Variants in MRPS6 observed in about 807,000 individuals in gnomAD.
The protein encoded by MRPS6 is mitochondrial ribosomal protein S6, also known as small ribosomal subunit protein bS6m.
A neutral mutation model predicts 13.1 loss-of-function variants in MRPS6; 6 were observed. The observed-to-expected ratio is 0.46, with a 90% CI of 0.25 to 0.91. The LOEUF is 0.91. Ranked by LOEUF, MRPS6 falls within the 40% of genes least tolerant of loss-of-function variation. MRPS6 has a pLI of 0.18. For synonymous variants in MRPS6, 61 were observed against 56.5 expected (o/e 1.08, Z -0.36); for missense variants, 164 against 155.6 (o/e 1.05, Z -0.29).
At position 34,097,366 on chromosome 21, in the gene MRPS6, A is replaced by G. The variant is rs369641674; in HGVS notation, c.45+23621A>G. 7.0e-6 allele frequency: 11 copies of G among 1,577,596 alleles called. No homozygotes were observed. The African/African-American group carries it at 8.2e-5, about 12-fold the overall frequency. On this transcript the variant is annotated intron_variant, in intron 1 of 2. Coordinates refer to ENST00000399312, the MANE Select transcript of MRPS6 (RefSeq NM_032476.4). ...TATTTCTCCTTATGAACTTAAGGATATGGTGAGACACTAACTTAAGACAAT... is the reference window on the plus strand; with the variant it reads ...TATTTCTCCTTATGAACTTAAGGATGTGGTGAGACACTAACTTAAGACAAT...
chr21:34,081,830 C>T (rs749538137), intron 1 of MRPS6, among the ~76,000 whole-genome samples: 1 of 152,130 alleles, frequency 6.6e-6, no homozygotes, highest in Admixed American at 6.6e-5. Context: ...TGAAGAAACT[C>T]TAAAAGATAA....
At chr21:34,140,654 G>A (rs905237453) in intron 2 of MRPS6, among the ~76,000 whole-genome samples, 2 of 152,198 alleles carry the variant, frequency 1.3e-5, no homozygotes, top group African/African-American at 2.4e-5. Context: ...ACTGAAAGAG[G>A]AATGTTAAAA....
At chr21:34,131,085 A>G (rs959949409) in intron 2 of MRPS6, among the ~76,000 whole-genome samples, 5 of 152,224 alleles carry the variant, frequency 3.3e-5, no homozygotes, top group African/African-American at 9.6e-5. Context: ...TGTTTTCCCA[A>G]AATGAGCTGT....
chr21:34,098,949 AT>A, intron 1 of MRPS6: 1 of 984,446 alleles, frequency 1.0e-6, no homozygotes, highest in Non-Finnish European at 1.2e-6. Flanking sequence ...ATTTAGGGAA[AT>A]TACTTTCATA....
At chr21:34,141,083 C>G (rs1256587914) in intron 2 of MRPS6, among the ~76,000 whole-genome samples, 2 of 152,164 alleles carry the variant, frequency 1.3e-5, no homozygotes, top group Non-Finnish European at 2.9e-5. Context: ...GAATTTGTTC[C>G]TTTTCAACTT....
At chr21:34,138,418 T>C (rs2123275669) in intron 2 of MRPS6, among the ~76,000 whole-genome samples, 1 of 152,268 alleles carries the variant, frequency 6.6e-6, no homozygotes, top group East Asian at 1.9e-4. Context: ...TAATCCATCT[T>C]GAATTAATTT....
chr21:34,076,633 AGT>A (rs988993552), intron 1 of MRPS6, among the ~76,000 whole-genome samples: 3 of 152,242 alleles, frequency 2.0e-5, no homozygotes, highest in East Asian at 3.8e-4. Context: ...TTTTTAAAAA[AGT>A]GTGTATATAA....
intron 1 of MRPS6, among the ~76,000 whole-genome samples, chr21:34,085,971 A>C (rs940868894): frequency 4.6e-5 from 7 of 152,196 alleles, no homozygotes; most frequent in East Asian, 1.9e-4. Flanking sequence ...CCTCATGTTC[A>C]TGTTCAAATT....
rs1288479856 is a variant in MRPS6 at position 34,099,145 on chromosome 21, A to G, written c.45+25400A>G. The G allele has an allele frequency of 1.9e-5, 19 of 999,270 alleles. No homozygotes were observed. In the African/African-American group the frequency reaches 2.6e-4, roughly 14 times the overall value. The allele number at this position is 999,270 out of a possible 1,614,324, so 61.9% of individuals were successfully genotyped here. ...GAGTCTGTAAATGAAAAAATAATTT[A>G]TGTATGAATAGCATGTATTTCTGAA... On this transcript the variant is annotated intron_variant, in intron 1 of 2. Coordinates refer to ENST00000399312, the MANE Select transcript of MRPS6 (RefSeq NM_032476.4).
intron 2 of MRPS6, among the ~76,000 whole-genome samples, chr21:34,128,384 C>T (rs1040047142): frequency 3.3e-5 from 5 of 152,072 alleles, no homozygotes; most frequent in Admixed American, 2.0e-4. Flanking sequence ...AAATCAACCG[C>T]CTTATCACGT....
intron 1 of MRPS6, chr21:34,098,316 A>G (rs569113784): frequency 2.0e-6 from 2 of 1,000,032 alleles, no homozygotes; most frequent in Non-Finnish European, 2.4e-6. Context: ...CAGTTGGAAG[A>G]TATGTCCAGA....
Position 34,100,684 on chromosome 21 carries a change from C to T in MRPS6, c.46-24657C>T, listed in dbSNP as rs1403821714. 8.0e-6 allele frequency: 8 copies of T among 1,000,086 alleles called. No individual in the cohort carries two copies. In the African/African-American group the frequency reaches 1.0e-4, roughly 13 times the overall value. The allele number at this position is 1,000,086 out of a possible 1,614,324, so 62.0% of individuals were successfully genotyped here. A position where few individuals can be genotyped will look rare whatever the true frequency, so the allele number is the denominator to read the frequency against. ...GAACTGAGTTGAGGGGGTTGTTATG[C>T]ACTTCTGTAACTTGAGGCTAAGCAA... On this transcript the variant is annotated intron_variant, in intron 1 of 2. Coordinates refer to ENST00000399312, the MANE Select transcript of MRPS6 (RefSeq NM_032476.4).
intron 1 of MRPS6, among the ~76,000 whole-genome samples, chr21:34,111,681 A>G (rs1979705248): frequency 6.6e-6 from 1 of 152,132 alleles, no homozygotes; most frequent in South Asian, 2.1e-4. Flanking sequence ...ACTGCTAATA[A>G]TGCAACAAAA....
intron 1 of MRPS6, among the ~76,000 whole-genome samples, chr21:34,115,580 T>G (rs1979866520): frequency 6.6e-6 from 1 of 152,176 alleles, no homozygotes. Flanking sequence ...TGTTTATACC[T>G]CTCTGATTAT....
At chr21:34,095,125 G>A (rs1978903793) in intron 1 of MRPS6, 1 of 1,536,930 alleles carries the variant, frequency 6.5e-7, no homozygotes, top group Non-Finnish European at 8.7e-7. Flanking sequence ...TACAGACTTG[G>A]CTGGGGTTAC....
intron 2 of MRPS6, among the ~76,000 whole-genome samples, chr21:34,127,944 C>T (rs1426123813): frequency 6.6e-6 from 1 of 152,178 alleles, no homozygotes; most frequent in African/African-American, 2.4e-5. Flanking sequence ...GACACGTATC[C>T]GAAATTACGG....
At chr21:34,074,783 A>G (rs1370878808) in intron 1 of MRPS6, among the ~76,000 whole-genome samples, 1 of 152,242 alleles carries the variant, frequency 6.6e-6, no homozygotes, top group East Asian at 1.9e-4. Context: ...TTTACGTTTG[A>G]AATTAGGCTC....
At chr21:34,103,679 C>T (rs1602939401) in intron 1 of MRPS6, 1 of 1,000,120 alleles carries the variant, frequency 1.0e-6, no homozygotes, top group African/African-American at 1.7e-5. Context: ...AGGTATTTGT[C>T]TCAGAGTTGC....
intron 1 of MRPS6, chr21:34,103,711 A>C (rs1979351288): frequency 1.0e-6 from 1 of 1,000,134 alleles, no homozygotes; most frequent in African/African-American, 1.7e-5. Context: ...CAGTATTGAT[A>C]AGCCCAAGAC....
Sources: gnomAD v4.1 joint callset for allele counts (sites outside exome capture counted in the v4.1 genomes callset) on GRCh38, gnomAD v4.1.1 for gene constraint, MANE v1.5 for transcripts, NCBI Gene and HGNC (gene_info 2026-07-23, HGNC 2026-07-21) for gene names.